The following GNB5 variants were observed in gnomAD, a reference collection of about 807,000 sequenced individuals.
GNB5 encodes the protein guanine nucleotide-binding protein subunit beta-5.
GNB5 carries 37 observed loss-of-function variants against 55.3 expected under a neutral mutation model. That is an observed-to-expected ratio of 0.67 (90% CI 0.51 to 0.88). The LOEUF is 0.88. Ranked by LOEUF, GNB5 falls within the 40% of genes least tolerant of loss-of-function variation. The pLI is 0.00. For missense variants in GNB5, 476 were observed against 515.3 expected (o/e 0.92, Z 0.74); for synonymous variants, 219 against 198.5 (o/e 1.10, Z -0.87).
intron 9 of GNB5, among the ~76,000 whole-genome samples, chr15:52,129,822 G>A (rs8039266): frequency 0.016 from 2,433 of 152,228 alleles, 70 homozygotes; most frequent in African/African-American, 0.055. Flanking sequence ...CCATAGGGAT[G>A]GTAAATGTCT....
At chr15:52,152,500 T>G (rs2034119313) in intron 4 of GNB5, among the ~76,000 whole-genome samples, 1 of 151,822 alleles carries the variant, frequency 6.6e-6, no homozygotes, top group South Asian at 2.1e-4. Context: ...ATTTTTGTAT[T>G]TTTTAGTAGA....
rs2033179093 is a variant in GNB5 at position 52,118,032 on chromosome 15, G to C, written c.*4725C>G. 1 of 152,950 alleles carries C rather than the reference G, an allele frequency of 6.5e-6. No homozygotes were observed. The highest frequency in any genetic ancestry group is 2.1e-4 in the South Asian group (1 of 4,854). 9.5% of individuals were successfully genotyped at this position (152,950 alleles called of 1,614,324 possible). A position where few individuals can be genotyped will look rare whatever the true frequency, so the allele number is the denominator to read the frequency against. On this transcript the variant is annotated 3_prime_UTR_variant, in exon 13 of 13. Transcript: ENST00000261837. ...CCCAGGCTTCCAGGCGTCCTCTTTT[G>C]AAAGGATTTTCAGGTCACAGGCCTC...
intron 2 of GNB5, among the ~76,000 whole-genome samples, chr15:52,181,621 A>C (rs566082839): frequency 6.6e-6 from 1 of 152,236 alleles, no homozygotes; most frequent in South Asian, 2.1e-4. Flanking sequence ...AAAAAAACAA[A>C]AACAAAAACA....
chr15:52,134,718 G>A (rs1389570824), intron 8 of GNB5, among the ~76,000 whole-genome samples: 5 of 152,146 alleles, frequency 3.3e-5, no homozygotes, highest in African/African-American at 1.2e-4. Flanking sequence ...TGGAGCAAAG[G>A]TCCCTTATGT....
At chr15:52,185,413 G>T (rs1009526461) in intron 1 of GNB5, among the ~76,000 whole-genome samples, 2 of 152,224 alleles carry the variant, frequency 1.3e-5, no homozygotes, top group African/African-American at 4.8e-5. Flanking sequence ...TCAAGAGAAT[G>T]ATAAGAGTCA....
chr15:52,155,838 G>T (rs1353917546), intron 3 of GNB5, among the ~76,000 whole-genome samples: 1 of 152,176 alleles, frequency 6.6e-6, no homozygotes, highest in African/African-American at 2.4e-5. Context: ...TGGTTAAGGG[G>T]ACACCTGCCA....
chr15:52,179,331 G>C (rs191029668), intron 3 of GNB5, among the ~76,000 whole-genome samples: 1 of 152,250 alleles, frequency 6.6e-6, no homozygotes, highest in East Asian at 1.9e-4. Flanking sequence ...ATACAACAGT[G>C]ATGGAGAAAG....
rs1030202836 is a variant in GNB5 at position 52,153,989 on chromosome 15, A to T, written c.326T>A (p.Leu109Gln). The T allele has an allele frequency of 1.2e-6, 2 of 1,613,888 alleles. No homozygotes were observed. The highest frequency in any genetic ancestry group is 1.7e-6 in the Non-Finnish European group (2 of 1,179,744). ...CTTATCTTTGCACCAGTCCATGCAC[A>T]GGACTTTGTTCCCGTGGCCTTTGAG... ...RTLKGHGNKV[L>Q]CMDWCKDKRR... The change falls in exon 4 of 13, where the codon CTG becomes CAG. Residue 109 changes from leucine (L) to glutamine (Q), a missense_variant. Transcript: ENST00000261837.
rs35277040 is a variant in GNB5 at position 52,118,869 on chromosome 15, TAAAA to T, written c.*3884_*3887del. On this transcript the variant is annotated 3_prime_UTR_variant, in exon 13 of 13. Transcript: ENST00000261837. ...TGGGCAACAAGAGCAAAACTCCACG[TAAAA>T]AAAAAAAAAAAAAAAAAGTGTACAG... is the stretch of plus-strand genomic sequence containing the variant. 12 of 93,304 alleles carry T rather than the reference TAAAA, an allele frequency of 1.3e-4. No individual in the cohort carries two copies. The South Asian group carries it at 1.8e-3, about 14-fold the overall frequency. The allele number at this position is 93,304 out of a possible 1,614,324, so 5.8% of individuals were successfully genotyped here. A position where few individuals can be genotyped will look rare whatever the true frequency, so the allele number is the denominator to read the frequency against.
At chr15:52,134,794 C>T (rs1328736467) in intron 8 of GNB5, among the ~76,000 whole-genome samples, 8 of 152,230 alleles carry the variant, frequency 5.3e-5, no homozygotes, top group East Asian at 3.9e-4. Flanking sequence ...TGCCTCCTGA[C>T]GGAGGTGAGA....
intron 7 of GNB5, 53 bp downstream of exon 7, chr15:52,141,087 C>T: frequency 1.3e-6 from 2 of 1,567,796 alleles, no homozygotes; most frequent in Non-Finnish European, 1.8e-6. Flanking sequence ...CCTCTCAGCT[C>T]CTCTTTAGTG....
chr15:52,175,825 C>T (rs1184755328), intron 3 of GNB5, among the ~76,000 whole-genome samples: 3 of 151,812 alleles, frequency 2.0e-5, no homozygotes, highest in East Asian at 1.9e-4. Flanking sequence ...CCAAGGTGGA[C>T]GGATCACAAG....
chr15:52,183,895 A>AT (rs2034808724), intron 2 of GNB5, among the ~76,000 whole-genome samples: 1 of 152,120 alleles, frequency 6.6e-6, no homozygotes, highest in South Asian at 2.1e-4. Flanking sequence ...TGAGGACTTG[A>AT]TTTTGTGTAC....
At chr15:52,183,361 A>G (rs1305745476) in intron 2 of GNB5, among the ~76,000 whole-genome samples, 1 of 151,758 alleles carries the variant, frequency 6.6e-6, no homozygotes, top group Non-Finnish European at 1.5e-5. Context: ...CCCAGAAAGC[A>G]GGTTTATTTT....
In GNB5 at chr15:52,184,550, C is replaced by A. The variant is rs1596113266; in HGVS notation, c.126+1G>T. 1.9e-6 allele frequency: 3 copies of A among 1,612,896 alleles called. No individual in the cohort carries two copies. Among genetic ancestry groups the A allele is most frequent in the African/African-American group, 2.7e-5 (2 of 74,884 alleles). On this transcript the variant is annotated splice_donor_variant, in intron 2 of 12. Coordinates refer to ENST00000261837, the MANE Select transcript of GNB5 (RefSeq NM_016194.4). LOFTEE classifies it high-confidence loss of function. ...CTGAATTTTTTTTAAGTGGCACTTACAATTTCTGCACATGTTGAACAGTAG... is the reference window on the plus strand; with the variant it reads ...CTGAATTTTTTTTAAGTGGCACTTAAAATTTCTGCACATGTTGAACAGTAG...
Position 52,115,512 on chromosome 15 carries a change from A to G in GNB5, c.*7245T>C, listed in dbSNP as rs2033130095. The G allele has an allele frequency of 1.3e-5, 2 of 152,178 alleles. No homozygotes were observed. Among genetic ancestry groups the G allele is most frequent in the African/African-American group, 4.8e-5 (2 of 41,462 alleles). 9.4% of individuals were successfully genotyped at this position (152,178 alleles called of 1,614,324 possible). ...TAGCACAGTACCTGGCACACAGTAA[A>G]AGGTTGTCACTCCACAGAAACTTTT... On this transcript the variant is annotated 3_prime_UTR_variant, in exon 13 of 13. Transcript: ENST00000261837.
intron 10 of GNB5, among the ~76,000 whole-genome samples, chr15:52,127,443 T>C (rs2033457562): frequency 6.6e-6 from 1 of 152,222 alleles, no homozygotes; most frequent in Non-Finnish European, 1.5e-5. Context: ...TGGTCTGTAC[T>C]GTATGTGGCA....
intron 3 of GNB5, among the ~76,000 whole-genome samples, chr15:52,166,348 G>A (rs1421217762): frequency 6.6e-6 from 1 of 152,176 alleles, no homozygotes; most frequent in Non-Finnish European, 1.5e-5. Context: ...GGACCTGACA[G>A]ATATCTACAG....
chr15:52,147,014 G>A (rs867756522), intron 6 of GNB5, among the ~76,000 whole-genome samples: 3 of 152,080 alleles, frequency 2.0e-5, no homozygotes, highest in Non-Finnish European at 4.4e-5. Context: ...CATTTTTCAA[G>A]GCTTCTGACA....
Sources: allele counts gnomAD v4.1 joint callset (sites outside exome capture counted in the v4.1 genomes callset), GRCh38; gene constraint gnomAD v4.1.1; transcripts MANE v1.5; gene names NCBI Gene and HGNC (gene_info 2026-07-23, HGNC 2026-07-21).